Variants in GCNT1 observed in about 807,000 individuals in gnomAD.
GCNT1 encodes the protein glucosaminyl (N-acetyl) transferase 1.
GCNT1 carries 16 observed loss-of-function variants against 26.2 expected under a neutral mutation model. The ratio of observed to expected loss-of-function variants is 0.61; its 90% CI spans 0.41 to 0.93. The LOEUF (loss-of-function observed/expected upper bound fraction) is 0.93, where lower values mean the gene tolerates loss of function less well. Among genes scored for constraint, GCNT1 ranks in the 40% least tolerant of loss-of-function variants. The probability of loss-of-function intolerance (pLI) is 0.00; values close to 1 mark genes in which losing one functional copy is unlikely to be tolerated. For synonymous variants in GCNT1, 183 were observed against 190.8 expected (o/e 0.96, Z 0.34); for missense variants, 477 against 526.7 (o/e 0.91, Z 0.92).
At chr9:76,479,315 C>T (rs577041190) in intron 2 of GCNT1, among the ~76,000 whole-genome samples, 2 of 152,212 alleles carry the variant, frequency 1.3e-5, no homozygotes, top group Admixed American at 1.3e-4. Context: ...CGCAATAAAC[C>T]TACGTGTGCA....
chr9:76,495,303 C>T (rs1456161733), intron 2 of GCNT1, among the ~76,000 whole-genome samples: 6 of 152,076 alleles, frequency 3.9e-5, no homozygotes, highest in Non-Finnish European at 8.8e-5. Context: ...TGTCTGGAGT[C>T]TCTTCTTTCC....
the GCNT1 span, among the ~76,000 whole-genome samples, chr9:76,400,726 G>C: frequency 2.6e-5 from 4 of 152,214 alleles, no homozygotes; most frequent in African/African-American, 9.7e-5. Context: ...AACCCTGTGA[G>C]TCAGGTATGC....
intron 2 of GCNT1, among the ~76,000 whole-genome samples, chr9:76,489,269 G>A (rs1027346169): frequency 1.4e-4 from 21 of 152,134 alleles, no homozygotes; most frequent in African/African-American, 4.8e-4. Context: ...AAACTTTATT[G>A]GTCAAACCAT....
chr9:76,493,966 G>A (rs1015234172), intron 2 of GCNT1, among the ~76,000 whole-genome samples: 1 of 152,028 alleles, frequency 6.6e-6, no homozygotes, highest in Non-Finnish European at 1.5e-5. Context: ...GGGTTTGCAG[G>A]TCAGATTGTC....
intron 1 of GCNT1, among the ~76,000 whole-genome samples, chr9:76,426,927 A>G (rs1823264723): frequency 6.6e-6 from 1 of 152,098 alleles, no homozygotes; most frequent in Non-Finnish European, 1.5e-5. Context: ...ACAAAACAAA[A>G]CAAGAATAAA....
chr9:76,425,958 C>T (rs913313707), intron 1 of GCNT1, among the ~76,000 whole-genome samples: 2 of 152,118 alleles, frequency 1.3e-5, no homozygotes, highest in African/African-American at 4.8e-5. Context: ...AAGCACTGAT[C>T]TTAGGTTTTA....
Position 76,463,040 on chromosome 9 carries a change from G to A in GCNT1, c.-290+2863G>A, listed in dbSNP as rs531334165. 9.2e-5 allele frequency among the ~76,000 whole-genome samples: 14 copies of A among 152,226 alleles called. 1 individual carries two copies. The East Asian group carries it at 2.3e-3, about 25-fold the overall frequency. On this transcript the variant is annotated intron_variant, in intron 2 of 3. Coordinates refer to ENST00000376730, the MANE Select transcript of GCNT1 (RefSeq NM_001490.5). ...GTATTTCTGTAATCTGAAAAATCTCGACTTTCTCAAAGGGAGCGCTACATA... is the reference window on the plus strand; with the variant it reads ...GTATTTCTGTAATCTGAAAAATCTCAACTTTCTCAAAGGGAGCGCTACATA...
intron 1 of GCNT1, among the ~76,000 whole-genome samples, chr9:76,448,647 C>T (rs1281048527): frequency 6.6e-6 from 1 of 152,044 alleles, no homozygotes; most frequent in African/African-American, 2.4e-5. Context: ...GCAACAACTG[C>T]TCTCCTTTCT....
chr9:76,413,659 T>TTTG, the GCNT1 span, among the ~76,000 whole-genome samples: 1 of 105,528 alleles, frequency 9.5e-6, no homozygotes, highest in East Asian at 2.2e-4. Flanking sequence ...TTTTGTTTTT[T>TTTG]TTTTTTTTGT....
chr9:76,414,094 C>A, the GCNT1 span, among the ~76,000 whole-genome samples: 3 of 152,058 alleles, frequency 2.0e-5, no homozygotes, highest in East Asian at 5.8e-4. Context: ...TTATATTGAC[C>A]ATCTGTTCTT....
intron 1 of GCNT1, among the ~76,000 whole-genome samples, chr9:76,424,907 A>G (rs1823240473): frequency 6.6e-6 from 1 of 152,170 alleles, no homozygotes; most frequent in South Asian, 2.1e-4. Context: ...TGGGAGGCCA[A>G]GGCAGGTGGA....
chr9:76,490,795 C>G (rs938641798), intron 2 of GCNT1, among the ~76,000 whole-genome samples: 3 of 152,260 alleles, frequency 2.0e-5, no homozygotes, highest in South Asian at 2.1e-4. Context: ...TACTGAATAC[C>G]CATTGTGTCT....
chr9:76,496,680 T>C (rs1227107817), intron 2 of GCNT1, among the ~76,000 whole-genome samples: 1 of 152,234 alleles, frequency 6.6e-6, no homozygotes, highest in Non-Finnish European at 1.5e-5. Context: ...TTCCTTCTTA[T>C]TGACTATATA....
intron 1 of GCNT1, among the ~76,000 whole-genome samples, chr9:76,459,522 G>C (rs1036179681): frequency 2.0e-5 from 3 of 152,202 alleles, no homozygotes; most frequent in Non-Finnish European, 4.4e-5. Context: ...GCTCAGTGGG[G>C]CTGGGACGCC....
rs1825162959 is a variant in GCNT1, at chr9:76,503,857, A to G, written c.*189A>G. 1.6e-6 allele frequency: 1 copy of G among 606,840 alleles called. No homozygotes were observed. The highest frequency in any genetic ancestry group is 1.9e-5 in the African/African-American group (1 of 53,746). The allele number at this position is 606,840 out of a possible 1,614,324, so 37.6% of individuals were successfully genotyped here. ...AGTTAGCTAGAAAGGTGATAGCATT[A>G]AATGTTCATCTAGAGTTAATAGTGG... On this transcript the variant is annotated 3_prime_UTR_variant, in exon 4 of 4. Transcript: ENST00000376730.
At chr9:76,494,994 T>G (rs888410905) in intron 2 of GCNT1, among the ~76,000 whole-genome samples, 1 of 152,154 alleles carries the variant, frequency 6.6e-6, no homozygotes, top group Non-Finnish European at 1.5e-5. Flanking sequence ...GGTAGCCATT[T>G]CCCAGAAAAC....
At chr9:76,453,190 G>A (rs923050032) in intron 1 of GCNT1, among the ~76,000 whole-genome samples, 1 of 152,176 alleles carries the variant, frequency 6.6e-6, no homozygotes, top group Non-Finnish European at 1.5e-5. Context: ...TGCTTCACCA[G>A]TGCTGTGAAG....
intron 1 of GCNT1, among the ~76,000 whole-genome samples, chr9:76,443,922 AAAGGAAGAAAGG>A (rs1260658178): frequency 0.057 from 4,076 of 71,256 alleles, 97 homozygotes; most frequent in Middle Eastern, 0.079. Flanking sequence ...AGAAAGGAAG[AAAGGAAGAAAGG>A]AAGGAAGGAA....
chr9:76,419,245 CT>C (rs1168245938), upstream of GCNT1, among the ~76,000 whole-genome samples: 1 of 152,192 alleles, frequency 6.6e-6, no homozygotes, highest in Non-Finnish European at 1.5e-5. Flanking sequence ...CACAATCCCC[CT>C]CCAGAATATA....
Sources: gnomAD v4.1 joint callset for allele counts (sites outside exome capture counted in the v4.1 genomes callset) on GRCh38, gnomAD v4.1.1 for gene constraint, MANE v1.5 for transcripts, NCBI Gene and HGNC (gene_info 2026-07-23, HGNC 2026-07-21) for gene names.